The following XPR1 variants were observed in gnomAD, a reference collection of about 807,000 sequenced individuals.
XPR1 encodes the protein xenotropic and polytropic retrovirus receptor 1, also known as solute carrier family 53 member 1.
In XPR1, 28 loss-of-function variants were observed where a neutral mutation model predicts 87.5. That is an observed-to-expected ratio of 0.32 (90% CI 0.24 to 0.44). XPR1 has a LOEUF of 0.44. Among genes scored for constraint, XPR1 ranks in the 20% least tolerant of loss-of-function variants. The probability of loss-of-function intolerance (pLI) is 1.00; values close to 1 mark genes in which losing one functional copy is unlikely to be tolerated. For synonymous variants in XPR1, 300 were observed against 306.1 expected (o/e 0.98, Z 0.21); for missense variants, 559 against 862.3 (o/e 0.65, Z 4.41).
chr1:180,661,299 T>C lies in XPR1; in HGVS notation c.70-21061T>C, dbSNP rs140987711. On this transcript the variant is annotated intron_variant, in intron 1 of 14. Coordinates refer to ENST00000367590, the MANE Select transcript of XPR1 (RefSeq NM_004736.4). ...ATCTTGTTAAAAAAAAACAGGGTCT[T>C]GTTTTTTTTAACCCATTCAATCACT... is the stretch of plus-strand genomic sequence containing the variant. Among the ~76,000 whole-genome samples, 322 of 152,222 alleles carry C rather than the reference T, an allele frequency of 2.1e-3. 1 individual carries two copies. Among genetic ancestry groups the C allele is most frequent in the African/African-American group, 7.5e-3 (312 of 41,514 alleles).
intron 2 of XPR1, among the ~76,000 whole-genome samples, chr1:180,779,231 G>A (rs1280519274): frequency 2.0e-5 from 3 of 151,972 alleles, no homozygotes; most frequent in East Asian, 3.9e-4. Flanking sequence ...CACCCTATTT[G>A]TTGTCTTCAT....
intron 1 of XPR1, among the ~76,000 whole-genome samples, chr1:180,674,240 T>TTTG (rs1349339223): frequency 2.6e-5 from 4 of 152,172 alleles, no homozygotes; most frequent in East Asian, 1.9e-4. Flanking sequence ...TTATACAACT[T>TTTG]TTGTTGTTGT....
At chr1:180,813,043 C>CT in intron 7 of XPR1, among the ~76,000 whole-genome samples, 1 of 142,282 alleles carries the variant, frequency 7.0e-6, no homozygotes, top group Non-Finnish European at 1.5e-5. Context: ...TCTTTTTTCC[C>CT]CCCCCCCAAT....
chr1:180,801,630 A>G (rs1312143384), intron 3 of XPR1, among the ~76,000 whole-genome samples: 1 of 152,214 alleles, frequency 6.6e-6, no homozygotes, highest in Non-Finnish European at 1.5e-5. Flanking sequence ...AGACAGGACA[A>G]AAATACTAAA....
chr1:180,677,007 T>C (rs1453252246), intron 1 of XPR1, among the ~76,000 whole-genome samples: 1 of 152,156 alleles, frequency 6.6e-6, no homozygotes, highest in Non-Finnish European at 1.5e-5. Context: ...TGGGACCAAA[T>C]GTGTTATCTT....
At chr1:180,699,137 G>A (rs1457199484) in intron 2 of XPR1, among the ~76,000 whole-genome samples, 1 of 150,932 alleles carries the variant, frequency 6.6e-6, no homozygotes, top group African/African-American at 2.4e-5. Context: ...GGGATTCCTA[G>A]AATTAGAATA....
intron 11 of XPR1, among the ~76,000 whole-genome samples, chr1:180,849,280 C>T (rs10737351): frequency 0.34 from 51,521 of 152,018 alleles, 9,114 homozygotes; most frequent in Non-Finnish European, 0.38. Context: ...ATTTTGCTTG[C>T]GCAAGGTCAC....
chr1:180,708,960 G>A (rs929877273), intron 2 of XPR1, among the ~76,000 whole-genome samples: 11 of 147,128 alleles, frequency 7.5e-5, no homozygotes, highest in African/African-American at 2.2e-4. Context: ...CGCCCAGGCT[G>A]GAGTGCAGTG....
At chr1:180,874,051 C>G (rs1652585813) in intron 13 of XPR1, 109 bp downstream of exon 13, 1 of 1,289,108 alleles carries the variant, frequency 7.8e-7, no homozygotes, top group East Asian at 2.6e-5. Context: ...CTTTAATTTT[C>G]CAACTTTTCT....
chr1:180,779,039 A>G (rs1255087592), intron 2 of XPR1, among the ~76,000 whole-genome samples: 7 of 152,124 alleles, frequency 4.6e-5, no homozygotes, highest in Non-Finnish European at 1.0e-4. Flanking sequence ...TTCTTTAGGC[A>G]TCTCAGTTTC....
At chr1:180,707,224 A>G (rs965571611) in intron 2 of XPR1, among the ~76,000 whole-genome samples, 3 of 152,172 alleles carry the variant, frequency 2.0e-5, no homozygotes, top group African/African-American at 7.2e-5. Context: ...ACTTACATGT[A>G]TAGGTTTGTT....
chr1:180,811,365 A>G, intron 6 of XPR1, 42 bp from the exon 7 acceptor site: 2 of 1,456,232 alleles, frequency 1.4e-6, no homozygotes, highest in Non-Finnish European at 1.9e-6. Flanking sequence ...AAATACAATC[A>G]GTGTTTTGTC....
chr1:180,686,631 A>C (rs944929304), intron 2 of XPR1, among the ~76,000 whole-genome samples: 3 of 152,146 alleles, frequency 2.0e-5, no homozygotes, highest in African/African-American at 7.2e-5. Context: ...ACTCCACATC[A>C]GGTTTTTAAA....
intron 2 of XPR1, among the ~76,000 whole-genome samples, chr1:180,730,650 C>G (rs1234801888): frequency 1.3e-5 from 2 of 152,024 alleles, no homozygotes; most frequent in Non-Finnish European, 2.9e-5. Flanking sequence ...AATTTTTCCC[C>G]CACTGTGTTA....
chr1:180,717,235 C>G (rs946783087), intron 2 of XPR1, among the ~76,000 whole-genome samples: 4 of 152,256 alleles, frequency 2.6e-5, no homozygotes, highest in Admixed American at 1.3e-4. Context: ...TCAGGTGATC[C>G]GCCCACTTTG....
chr1:180,680,665 A>G (rs574122427), intron 1 of XPR1, among the ~76,000 whole-genome samples: 2 of 152,206 alleles, frequency 1.3e-5, no homozygotes, highest in South Asian at 2.1e-4. Flanking sequence ...CCCGGCCCAA[A>G]TAGAACTATT....
chr1:180,854,776 T>G (rs1226483096), intron 11 of XPR1, among the ~76,000 whole-genome samples: 1 of 152,102 alleles, frequency 6.6e-6, no homozygotes, highest in Non-Finnish European at 1.5e-5. Context: ...AATGTGGAGG[T>G]GTGACTGACC....
chr1:180,688,394 A>G (rs1227370198), intron 2 of XPR1, among the ~76,000 whole-genome samples: 1 of 151,812 alleles, frequency 6.6e-6, no homozygotes, highest in African/African-American at 2.4e-5. Flanking sequence ...CAGCCTATTG[A>G]TTTTTTAAAT....
At chr1:180,779,428 T>C (rs1393077615) in intron 2 of XPR1, among the ~76,000 whole-genome samples, 1 of 152,174 alleles carries the variant, frequency 6.6e-6, no homozygotes, top group Non-Finnish European at 1.5e-5. Context: ...ATATTATTAA[T>C]ATAATTCACA....
Sources: gnomAD v4.1 joint callset for allele counts (sites outside exome capture counted in the v4.1 genomes callset) on GRCh38, gnomAD v4.1.1 for gene constraint, MANE v1.5 for transcripts, NCBI Gene and HGNC (gene_info 2026-07-23, HGNC 2026-07-21) for gene names.